Variants in ABLIM1 observed in about 807,000 individuals in gnomAD.
ABLIM1 encodes the protein actin-binding LIM protein 1.
A neutral mutation model predicts 107.0 loss-of-function variants in ABLIM1; 40 were observed. The ratio of observed to expected loss-of-function variants is 0.37; its 90% confidence interval spans 0.29 to 0.49. The LOEUF is 0.49. Among genes scored for constraint, ABLIM1 ranks in the 20% least tolerant of loss-of-function variants. ABLIM1 has a pLI of 0.97. For missense variants in ABLIM1, 857 were observed against 1,008.5 expected (o/e 0.85, Z 2.04); for synonymous variants, 357 against 357.3 (o/e 1.00, Z 0.01).
intron 2 of ABLIM1, among the ~76,000 whole-genome samples, chr10:114,586,165 C>T (rs79340202): frequency 0.048 from 7,258 of 152,204 alleles, 214 homozygotes; most frequent in East Asian, 0.081. Flanking sequence ...AAGGTAGAAA[C>T]TTCACTCATC....
chr10:114,536,227 GTTTTTTTTTTTTTTTTTTTTT>G (rs536435789), intron 6 of ABLIM1, among the ~76,000 whole-genome samples: 2 of 56,260 alleles, frequency 3.6e-5, no homozygotes, highest in South Asian at 7.2e-4. Flanking sequence ...TTCTTTCTTT[GTTTTTTTTTTTTTTTTTTTTT>G]TTTTTTTTTT....
chr10:114,679,626 A>T (rs1270496238), intron 1 of ABLIM1, among the ~76,000 whole-genome samples: 1 of 127,020 alleles, frequency 7.9e-6, no homozygotes, highest in East Asian at 2.3e-4. Flanking sequence ...CAAGAACAAA[A>T]CTCCGTCTCA....
intron 6 of ABLIM1, among the ~76,000 whole-genome samples, chr10:114,496,255 ACTTC>A (rs2135361838): frequency 6.6e-6 from 1 of 152,344 alleles, no homozygotes; most frequent in East Asian, 1.9e-4. Flanking sequence ...ATGTGGCAGG[ACTTC>A]GCTCTATAAA....
chr10:114,636,915 C>T (rs1388702084), intron 1 of ABLIM1, among the ~76,000 whole-genome samples: 2 of 151,820 alleles, frequency 1.3e-5, no homozygotes. Context: ...CACCTGTAAT[C>T]TCAAATACTT....
At position 114,453,449 on chromosome 10, in the gene ABLIM1, G is replaced by T. The variant is rs753835305; in HGVS notation, c.1476C>A (p.Leu492=). The change falls in exon 13 of 23, where the codon CTC becomes CTA. Residue 492 remains leucine, a synonymous_variant. Coordinates refer to ENST00000533213, the MANE Select transcript of ABLIM1 (RefSeq NM_002313.7). Reference sequence around the variant, plus strand: ...GAGGGCGGCTGTCTGGCCGGTAAGGGAGAGGGGAGTTCCGGCCGCTGGACG... The same window carrying T: ...GAGGGCGGCTGTCTGGCCGGTAAGGTAGAGGGGAGTTCCGGCCGCTGGACG... ...NEPSSGRNSP[L]PYRPDSRPLT... is the part of the protein sequence containing the mutation. The T allele has an allele frequency of 1.6e-5, 25 of 1,611,596 alleles. No homozygotes were observed. The South Asian group carries it at 2.8e-4, about 18-fold the overall frequency.
At chr10:114,555,736 T>C (rs1173429956) in intron 4 of ABLIM1, among the ~76,000 whole-genome samples, 1 of 152,192 alleles carries the variant, frequency 6.6e-6, no homozygotes, top group Admixed American at 6.5e-5. Flanking sequence ...GCATGCCCTT[T>C]ACTATAAAAA....
chr10:114,547,208 T>C (rs548438398), intron 5 of ABLIM1, among the ~76,000 whole-genome samples: 11 of 152,174 alleles, frequency 7.2e-5, no homozygotes, highest in Middle Eastern at 6.8e-3. Flanking sequence ...TCCACTATTA[T>C]TGAACATGAG....
chr10:114,532,081 C>G (rs2065508698), intron 6 of ABLIM1, among the ~76,000 whole-genome samples: 1 of 152,168 alleles, frequency 6.6e-6, no homozygotes, highest in Non-Finnish European at 1.5e-5. Flanking sequence ...TCACAAAGTG[C>G]TGGGATCACA....
intron 1 of ABLIM1, among the ~76,000 whole-genome samples, chr10:114,742,005 T>C (rs1035412481): frequency 1.3e-5 from 2 of 152,170 alleles, no homozygotes; most frequent in Non-Finnish European, 2.9e-5. Context: ...AAAACATAAG[T>C]ACAGAATAAT....
chr10:114,495,719 T>G (rs1446590075), intron 6 of ABLIM1, among the ~76,000 whole-genome samples: 1 of 152,186 alleles, frequency 6.6e-6, no homozygotes, highest in East Asian at 1.9e-4. Context: ...CATAAACATT[T>G]AGTCAATTTG....
intron 6 of ABLIM1, among the ~76,000 whole-genome samples, chr10:114,529,356 C>T (rs2065215592): frequency 2.0e-5 from 3 of 152,202 alleles, no homozygotes; most frequent in East Asian, 1.9e-4. Context: ...ATCTCTTGAA[C>T]TCATGATCGC....
intron 1 of ABLIM1, 101 bp from the exon 2 acceptor site, chr10:114,602,062 G>C: frequency 6.8e-7 from 1 of 1,466,742 alleles, no homozygotes; most frequent in Non-Finnish European, 9.4e-7. Context: ...GAGCCACAGA[G>C]ATTGATTCGA....
At chr10:114,622,126 GC>G (rs2077503555) in intron 1 of ABLIM1, among the ~76,000 whole-genome samples, 1 of 152,088 alleles carries the variant, frequency 6.6e-6, no homozygotes, top group Non-Finnish European at 1.5e-5. Flanking sequence ...ATGGACCCAG[GC>G]ACCCATAGCC....
intron 1 of ABLIM1, among the ~76,000 whole-genome samples, chr10:114,676,146 C>G (rs1017081302): frequency 6.6e-6 from 1 of 152,036 alleles, no homozygotes; most frequent in African/African-American, 2.4e-5. Context: ...GACGACTTCT[C>G]AAGAAAAGAA....
At chr10:114,568,196 C>CAAAAAAAAAAAAAAAA (rs34861242) in intron 4 of ABLIM1, among the ~76,000 whole-genome samples, 1 of 52,392 alleles carries the variant, frequency 1.9e-5, no homozygotes, top group African/African-American at 7.2e-5. Context: ...GACTCCGTCT[C>CAAAAAAAAAAAAAAAA]AAAAAAAAAA....
At chr10:114,437,989 C>A in intron 21 of ABLIM1, 65 bp from the exon 22 acceptor site, 3 of 1,454,416 alleles carry the variant, frequency 2.1e-6, no homozygotes, top group Non-Finnish European at 1.9e-6. Flanking sequence ...GCAGAATCCA[C>A]CTAAACGCTA....
intron 1 of ABLIM1, among the ~76,000 whole-genome samples, chr10:114,657,536 C>T (rs963638706): frequency 4.6e-5 from 7 of 152,104 alleles, no homozygotes; most frequent in Non-Finnish European, 1.0e-4. Flanking sequence ...ACGAGCCCTC[C>T]CTACACAGTG....
intron 1 of ABLIM1, among the ~76,000 whole-genome samples, chr10:114,674,245 A>G (rs1372844477): frequency 2.7e-5 from 4 of 150,820 alleles, no homozygotes; most frequent in African/African-American, 9.8e-5. Context: ...AGCCAAGATC[A>G]TGCCACTGCA....
intron 6 of ABLIM1, among the ~76,000 whole-genome samples, chr10:114,520,187 T>C (rs1333037102): frequency 6.6e-6 from 1 of 152,202 alleles, no homozygotes. Context: ...TTAATCATTT[T>C]AGAATTGGCT....
Sources: gnomAD v4.1 joint callset for allele counts (sites outside exome capture counted in the v4.1 genomes callset) on GRCh38, gnomAD v4.1.1 for gene constraint, MANE v1.5 for transcripts, NCBI Gene and HGNC (gene_info 2026-07-23, HGNC 2026-07-21) for gene names.